The following PCSK5 variants were observed in gnomAD, a reference collection of about 807,000 sequenced individuals.
The protein encoded by PCSK5 is prohormone convertase 5.
PCSK5 carries 129 observed loss-of-function variants against 233.2 expected under a neutral mutation model. The ratio of observed to expected loss-of-function variants is 0.55; its 90% CI spans 0.48 to 0.64. The LOEUF (loss-of-function observed/expected upper bound fraction) is 0.64, where lower values mean the gene tolerates loss of function less well. Among genes scored for constraint, PCSK5 ranks in the 30% least tolerant of loss-of-function variants. The pLI is 0.00. For missense variants in PCSK5, 2,076 were observed against 2,430.1 expected, an observed-to-expected ratio of 0.85 and a Z score of 3.06; for synonymous variants, 825 against 879.2, an observed-to-expected ratio of 0.94 and a Z score of 1.09.
chr9:76,067,872 C>G (rs1013066383), intron 5 of PCSK5, 83 bp from the exon 6 acceptor site: 1 of 1,081,038 alleles, frequency 9.3e-7, no homozygotes. Flanking sequence ...ACATTCTTCA[C>G]CACTCTGAGT....
At chr9:76,026,769 T>C (rs1234981734) in intron 4 of PCSK5, among the ~76,000 whole-genome samples, 192 bp from the exon 5 acceptor site, 1 of 152,156 alleles carries the variant, frequency 6.6e-6, no homozygotes, top group African/African-American at 2.4e-5. Flanking sequence ...GGGAAAAATA[T>C]GGCACTAATT....
chr9:76,192,607 T>C (rs1824453086), intron 20 of PCSK5, among the ~76,000 whole-genome samples: 1 of 83,880 alleles, frequency 1.2e-5, no homozygotes, highest in Non-Finnish European at 3.1e-5. Flanking sequence ...CTTCTTGTGT[T>C]GAATTTAATT....
At chr9:76,288,002 C>T (rs1378747761) in intron 24 of PCSK5, 2 of 152,170 alleles carry the variant, frequency 1.3e-5, no homozygotes, top group Non-Finnish European at 2.9e-5. Context: ...TCCTCTAAGA[C>T]ATGTCTGATA....
At chr9:76,216,487 G>A (rs1825537774) in intron 20 of PCSK5, among the ~76,000 whole-genome samples, 1 of 152,134 alleles carries the variant, frequency 6.6e-6, no homozygotes, top group African/African-American at 2.4e-5. Flanking sequence ...ATCAGTGAGT[G>A]TCACAAACAA....
At chr9:76,096,132 C>T (rs1831496905) in intron 8 of PCSK5, 30 bp downstream of exon 8, 2 of 1,480,850 alleles carry the variant, frequency 1.4e-6, no homozygotes, top group Non-Finnish European at 1.9e-6. Context: ...CCATCATGAT[C>T]TGTTTATTTA....
intron 7 of PCSK5, among the ~76,000 whole-genome samples, chr9:76,085,553 T>C (rs1364487208): frequency 6.6e-6 from 1 of 152,172 alleles, no homozygotes; most frequent in Middle Eastern, 3.2e-3. Flanking sequence ...GACCCAAAAA[T>C]AGTCACTATA....
intron 1 of PCSK5, among the ~76,000 whole-genome samples, chr9:75,897,705 C>T (rs911722446): frequency 5.3e-5 from 8 of 151,956 alleles, no homozygotes; most frequent in African/African-American, 1.7e-4. Flanking sequence ...TGTTACCAGG[C>T]TTGTCTCCAA....
Position 76,295,371 on chromosome 9 carries a change from G to T in PCSK5, c.3282G>T (p.Gln1094His). The change falls in exon 26 of 38, where the codon CAG becomes CAT. Residue 1094 changes from glutamine to histidine, a missense_variant. Physicochemically the swap from Gln to His is conservative, Grantham distance 24. Around this residue, in one of 6 missense-constraint regions of PCSK5, gnomAD observed 1,510 missense variants for 1,538.1 expected, o/e 0.98. Coordinates refer to ENST00000674117, the MANE Select transcript of PCSK5 (RefSeq NM_001372043.1). ...ATAGTAACTGTGGCAGCTGTGACCA[G>T]AATGGGTGTTACTGGTGTGAAGAGG... The part of the protein sequence containing the change: ...ACDSNCGSCD[Q>H]NGCYWCEEGF... 6.2e-7 allele frequency: 1 copy of T among 1,612,572 alleles called. No individual in the cohort carries two copies. Among genetic ancestry groups the T allele is most frequent in the Non-Finnish European group, 8.5e-7 (1 of 1,179,676 alleles).
Position 76,289,510 on chromosome 9 carries a change from CGCAACAT to C in PCSK5, c.3143-2722_3143-2716del, listed in dbSNP as rs376932215. Among the ~76,000 whole-genome samples the C allele has an allele frequency of 8.1e-3, 934 of 115,892 alleles. 8 individuals carry two copies. The highest frequency in any genetic ancestry group is 0.026 in the African/African-American group (731 of 27,588). 76.0% of individuals were successfully genotyped at this position (115,892 alleles called of 152,430 possible). On this transcript the variant is annotated intron_variant, in intron 24 of 37. Coordinates refer to ENST00000674117, the MANE Select transcript of PCSK5 (RefSeq NM_001372043.1). ...ACACACACACACACACACACACACACGCAACATACACACACACACACACACACACACA... is the reference window on the plus strand; with the variant it reads ...ACACACACACACACACACACACACACACACACACACACACACACACACACA...
intron 35 of PCSK5, among the ~76,000 whole-genome samples, chr9:76,344,742 A>G (rs777671348): frequency 7.9e-5 from 12 of 152,224 alleles, no homozygotes; most frequent in Admixed American, 1.3e-4. Context: ...AAAATACTGT[A>G]TTTGATTTGC....
At chr9:76,071,062 T>C (rs1830463949) in intron 6 of PCSK5, among the ~76,000 whole-genome samples, 1 of 152,182 alleles carries the variant, frequency 6.6e-6, no homozygotes, top group Non-Finnish European at 1.5e-5. Context: ...ATGTCTCTTT[T>C]TGCAAAATAG....
intron 7 of PCSK5, among the ~76,000 whole-genome samples, chr9:76,094,950 A>G (rs567199762): frequency 3.3e-5 from 5 of 152,246 alleles, no homozygotes; most frequent in African/African-American, 9.6e-5. Flanking sequence ...AAGCTTTGGC[A>G]TGAAGAATGT....
At chr9:75,959,495 C>T (rs1014282639) in intron 2 of PCSK5, among the ~76,000 whole-genome samples, 1 of 152,148 alleles carries the variant, frequency 6.6e-6, no homozygotes, top group Admixed American at 6.5e-5. Flanking sequence ...ATGTCATGCT[C>T]TTACTAAAAG....
chr9:76,062,501 A>C (rs1830063707), intron 5 of PCSK5, among the ~76,000 whole-genome samples: 1 of 152,202 alleles, frequency 6.6e-6, no homozygotes, highest in African/African-American at 2.4e-5. Flanking sequence ...TTTCATGTCA[A>C]ATTGTCAAAG....
At chr9:76,226,279 C>T (rs1405591298) in intron 20 of PCSK5, among the ~76,000 whole-genome samples, 1 of 152,152 alleles carries the variant, frequency 6.6e-6, no homozygotes, top group East Asian at 1.9e-4. Context: ...TCTTCACAGT[C>T]ATCTTTGGGG....
At chr9:75,941,628 C>T (rs1824309953) in intron 2 of PCSK5, among the ~76,000 whole-genome samples, 1 of 152,092 alleles carries the variant, frequency 6.6e-6, no homozygotes, top group Admixed American at 6.6e-5. Context: ...ATAGCAAATC[C>T]CTGTCTTTAA....
chr9:76,290,396 T>C (rs1828241367), intron 24 of PCSK5, among the ~76,000 whole-genome samples: 1 of 152,174 alleles, frequency 6.6e-6, no homozygotes, highest in South Asian at 2.1e-4. Context: ...TTTTGGTTCA[T>C]TTCACTGTCC....
At chr9:75,930,110 A>G (rs1263948872) in intron 1 of PCSK5, among the ~76,000 whole-genome samples, 1 of 152,014 alleles carries the variant, frequency 6.6e-6, no homozygotes, top group African/African-American at 2.4e-5. Flanking sequence ...TGATCCAGCT[A>G]TTTCGGCCTC....
rs538428050 is a variant in PCSK5 at position 76,077,677 on chromosome 9, T to C, written c.894+5779T>C. On this transcript the variant is annotated intron_variant, in intron 7 of 37. Coordinates refer to ENST00000674117, the MANE Select transcript of PCSK5 (RefSeq NM_001372043.1). ...CAGTATTTGATTTTCTGTCCCTGTGTTAATTTGCTTAGGATAATAGCCTCC... is the reference window on the plus strand; with the variant it reads ...CAGTATTTGATTTTCTGTCCCTGTGCTAATTTGCTTAGGATAATAGCCTCC... 6.6e-5 allele frequency among the ~76,000 whole-genome samples: 10 copies of C among 152,296 alleles called. No homozygotes were observed. The East Asian group carries it at 1.9e-3, about 29-fold the overall frequency.
Sources: allele counts gnomAD v4.1 joint callset (sites outside exome capture counted in the v4.1 genomes callset), GRCh38; gene constraint gnomAD v4.1.1; regional missense constraint gnomAD v4.1.1; transcripts MANE v1.5; gene names NCBI Gene and HGNC (gene_info 2026-07-23, HGNC 2026-07-21).